PTPRD: variants seen among roughly 807,000 people sequenced by gnomAD.
The protein encoded by PTPRD is protein tyrosine phosphatase receptor type D.
A neutral mutation model predicts 214.5 loss-of-function variants in PTPRD; 34 were observed. The observed-to-expected ratio is 0.16, with a 90% CI of 0.12 to 0.21. The LOEUF (loss-of-function observed/expected upper bound fraction) is 0.21, where lower values mean the gene tolerates loss of function less well. Ranked by LOEUF, PTPRD falls within the 10% of genes least tolerant of loss-of-function variation. PTPRD has a pLI of 1.00. For missense variants in PTPRD, 2,545 were observed against 2,398.7 expected (o/e 1.06, Z -1.27); for synonymous variants, 1,128 against 845.7 (o/e 1.33, Z -5.79).
rs117601214 is a variant in PTPRD, at chr9:9,152,669, G to A, written c.-143+30635C>T. On this transcript the variant is annotated intron_variant, in intron 10 of 45. Coordinates refer to ENST00000381196, the MANE Select transcript of PTPRD (RefSeq NM_002839.4). ...TTCACCTTTCGAATATTGCTGTGGCGCTGTAGAGGCTAGTCCAAAAGAGGC... is the reference window on the plus strand; with the variant it reads ...TTCACCTTTCGAATATTGCTGTGGCACTGTAGAGGCTAGTCCAAAAGAGGC... Among the ~76,000 whole-genome samples the A allele has an allele frequency of 4.0e-3, 614 of 152,258 alleles. 2 individuals are homozygous for A. Among genetic ancestry groups the A allele is most frequent in the Middle Eastern group, 0.017 (5 of 294 alleles).
In PTPRD at chr9:9,678,641, G is replaced by A. The variant is rs574415366; in HGVS notation, c.-287+55892C>T. ...TTGGCAACTTTGGTGACTATTCAGG[G>A]TTCTGTCTCGCCATGCTCCAAAAGT... On this transcript the variant is annotated intron_variant, in intron 7 of 45. Coordinates refer to ENST00000381196, the MANE Select transcript of PTPRD (RefSeq NM_002839.4). 5.3e-5 allele frequency among the ~76,000 whole-genome samples: 8 copies of A among 151,758 alleles called. No homozygotes were observed. In the East Asian group the frequency reaches 9.8e-4, roughly 18 times the overall value.
intron 7 of PTPRD, among the ~76,000 whole-genome samples, chr9:9,578,539 A>G (rs1419323532): frequency 6.6e-6 from 1 of 152,072 alleles, no homozygotes; most frequent in Non-Finnish European, 1.5e-5. Context: ...TTGGAAAATC[A>G]TTTTCAATAA....
chr9:9,342,461 G>T lies in PTPRD; in HGVS notation c.-203+54988C>A, dbSNP rs2047172311. ...TGTTAGTAAATAAAATGTATTATAG[G>T]TGACGAGATTAATACATATTTGGCT... On this transcript the variant is annotated intron_variant, in intron 9 of 45. Coordinates refer to ENST00000381196, the MANE Select transcript of PTPRD (RefSeq NM_002839.4). Among the ~76,000 whole-genome samples the T allele has an allele frequency of 4.6e-5, 7 of 152,206 alleles. No homozygotes were observed. The South Asian group carries it at 1.5e-3, about 32-fold the overall frequency.
chr9:10,466,108 T>A (rs1218043143), intron 2 of PTPRD, among the ~76,000 whole-genome samples: 1 of 152,216 alleles, frequency 6.6e-6, no homozygotes, highest in African/African-American at 2.4e-5. Flanking sequence ...ATTTGTTGAA[T>A]GATAAATCTT....
chr9:9,736,200 T>C (rs1241898251), intron 6 of PTPRD, among the ~76,000 whole-genome samples: 1 of 152,106 alleles, frequency 6.6e-6, no homozygotes. Flanking sequence ...AACTATTAAT[T>C]ATCTGTATTT....
chr9:9,853,406 T>A (rs1398732939), intron 5 of PTPRD, among the ~76,000 whole-genome samples: 2 of 152,224 alleles, frequency 1.3e-5, no homozygotes, highest in African/African-American at 2.4e-5. Context: ...CAGGACCATA[T>A]GAAAACAGGC....
chr9:8,753,577 A>G (rs1208682180), intron 11 of PTPRD, among the ~76,000 whole-genome samples: 1 of 137,796 alleles, frequency 7.3e-6, no homozygotes, highest in African/African-American at 3.3e-5. Context: ...AGTTACTAGA[A>G]TGTGTGAAAA....
At chr9:9,749,669 T>A (rs1292459105) in intron 6 of PTPRD, among the ~76,000 whole-genome samples, 1 of 152,070 alleles carries the variant, frequency 6.6e-6, no homozygotes, top group Admixed American at 6.6e-5. Flanking sequence ...AATAAATCAT[T>A]TTTTGTGTGT....
At chr9:9,651,500 T>C (rs1314633138) in intron 7 of PTPRD, among the ~76,000 whole-genome samples, 2 of 152,128 alleles carry the variant, frequency 1.3e-5, no homozygotes, top group Non-Finnish European at 2.9e-5. Flanking sequence ...TGGTATTTGG[T>C]TTTCTGTTCC....
intron 4 of PTPRD, among the ~76,000 whole-genome samples, chr9:10,024,841 T>C (rs1264557320): frequency 1.4e-5 from 2 of 141,298 alleles, no homozygotes; most frequent in Non-Finnish European, 3.0e-5. Flanking sequence ...CCATGTGTTC[T>C]CATTGTTCAA....
intron 9 of PTPRD, among the ~76,000 whole-genome samples, chr9:9,195,253 T>C (rs1421928282): frequency 6.6e-6 from 1 of 152,016 alleles, no homozygotes; most frequent in Non-Finnish European, 1.5e-5. Flanking sequence ...GGAATCTCAA[T>C]TTCAGCATGC....
intron 9 of PTPRD, among the ~76,000 whole-genome samples, chr9:9,199,661 T>C (rs529823738): frequency 1.3e-5 from 2 of 152,288 alleles, no homozygotes; most frequent in East Asian, 3.9e-4. Flanking sequence ...GAATTTTAAA[T>C]ATATTTCAGA....
At chr9:8,680,569 T>C (rs1002211581) in intron 12 of PTPRD, among the ~76,000 whole-genome samples, 3 of 152,204 alleles carry the variant, frequency 2.0e-5, no homozygotes, top group Non-Finnish European at 4.4e-5. Context: ...ACATTGAGTA[T>C]ATATACACAC....
At chr9:10,497,571 G>A (rs72700961) in intron 2 of PTPRD, among the ~76,000 whole-genome samples, 10,667 of 151,966 alleles carry the variant, frequency 0.07, 532 homozygotes, top group Non-Finnish European at 0.099. Flanking sequence ...TATAATTGAA[G>A]TTAGTTTTTA....
intron 3 of PTPRD, among the ~76,000 whole-genome samples, chr9:10,044,544 T>G (rs1297188047): frequency 1.3e-5 from 2 of 151,830 alleles, no homozygotes; most frequent in Non-Finnish European, 3.0e-5. Context: ...GAATCTAGAT[T>G]TGAGAATTAT....
intron 11 of PTPRD, among the ~76,000 whole-genome samples, chr9:9,016,091 C>A (rs560143911): frequency 1.1e-3 from 174 of 152,266 alleles, no homozygotes; most frequent in Non-Finnish European, 2.1e-3. Context: ...AATACTTTCC[C>A]ACAGAGCTTG....
chr9:8,525,042 G>C lies in PTPRD; in HGVS notation c.569-7C>G. 6.2e-7 allele frequency: 1 copy of C among 1,605,876 alleles called. No homozygotes were observed. The highest frequency in any genetic ancestry group is 8.5e-7 in the Non-Finnish European group (1 of 1,172,776). On this transcript the variant is annotated splice_region_variant and splice_polypyrimidine_tract_variant and intron_variant, in intron 17 of 45. Coordinates refer to ENST00000381196, the MANE Select transcript of PTPRD (RefSeq NM_002839.4). The stretch of plus-strand genomic sequence containing the variant: ...TGCTCAATCTGAAGGGCTCCTGTAT[G>C]GATATAAAATATATTGCCAAAGAGA...
intron 11 of PTPRD, among the ~76,000 whole-genome samples, chr9:8,836,976 C>G (rs1374941180): frequency 6.6e-6 from 1 of 151,708 alleles, no homozygotes; most frequent in Admixed American, 6.6e-5. Context: ...CCCATCCCCC[C>G]ACCATTTGGG....
chr9:8,869,764 T>C (rs1023800579), intron 11 of PTPRD, among the ~76,000 whole-genome samples: 4 of 151,318 alleles, frequency 2.6e-5, no homozygotes, highest in African/African-American at 9.7e-5. Flanking sequence ...GGTGGCACCA[T>C]TTTACCTAAA....
Sources: allele counts gnomAD v4.1 joint callset (sites outside exome capture counted in the v4.1 genomes callset), GRCh38; gene constraint gnomAD v4.1.1; transcripts MANE v1.5; gene names NCBI Gene and HGNC (gene_info 2026-07-23, HGNC 2026-07-21).